The following DNAH8 variants were observed in gnomAD, a reference collection of about 807,000 sequenced individuals.
The protein encoded by DNAH8 is dynein axonemal heavy chain 8.
DNAH8 carries 382 observed loss-of-function variants against 562.1 expected under a neutral mutation model. The ratio of observed to expected loss-of-function variants is 0.68; its 90% CI spans 0.63 to 0.74. The LOEUF is 0.74. Ranked by LOEUF, DNAH8 falls within the 30% of genes least tolerant of loss-of-function variation. DNAH8 has a pLI of 0.00. For missense variants in DNAH8, 5,203 were observed against 5,620.4 expected (o/e 0.93, Z 2.37); for synonymous variants, 1,881 against 1,919.4 (o/e 0.98, Z 0.52).
intron 3 of DNAH8, among the ~76,000 whole-genome samples, chr6:38,725,393 C>A (rs778874997): frequency 6.6e-6 from 1 of 151,762 alleles, no homozygotes; most frequent in African/African-American, 2.4e-5. Context: ...AAATTGTCTG[C>A]GCTTCATGTC....
chr6:38,743,411 A>T (rs191862458), intron 8 of DNAH8, among the ~76,000 whole-genome samples: 139 of 152,048 alleles, frequency 9.1e-4, no homozygotes, highest in Admixed American at 8.3e-3. Context: ...CATACTATTT[A>T]TTTTATCCAT....
chr6:38,989,351 A>G (rs925682019), intron 87 of DNAH8, among the ~76,000 whole-genome samples: 2 of 152,194 alleles, frequency 1.3e-5, no homozygotes, highest in African/African-American at 4.8e-5. Context: ...TCTGAGAATA[A>G]GTCTATTCAC....
At chr6:38,969,859 A>G (rs1239207632) in intron 82 of DNAH8, among the ~76,000 whole-genome samples, 2 of 152,148 alleles carry the variant, frequency 1.3e-5, no homozygotes, top group African/African-American at 4.8e-5. Context: ...GAGGATGAAC[A>G]TAATCTGATT....
At chr6:38,981,696 T>C (rs921930746) in intron 85 of DNAH8, among the ~76,000 whole-genome samples, 18 of 152,360 alleles carry the variant, frequency 1.2e-4, no homozygotes, top group African/African-American at 4.1e-4. Context: ...CAAGAGTCCA[T>C]TGTAGAATAA....
chr6:38,797,253 G>A (rs1401470201), intron 21 of DNAH8, among the ~76,000 whole-genome samples: 1 of 152,056 alleles, frequency 6.6e-6, no homozygotes, highest in African/African-American at 2.4e-5. Context: ...AATTAGTCGG[G>A]GGGCGGTGGT....
At chr6:38,999,319 C>T (rs1483240611) in intron 88 of DNAH8, among the ~76,000 whole-genome samples, 2 of 151,852 alleles carry the variant, frequency 1.3e-5, no homozygotes, top group African/African-American at 4.8e-5. Context: ...GGGACCTAGC[C>T]CCTGGTGCTG....
intron 88 of DNAH8, among the ~76,000 whole-genome samples, chr6:39,008,038 T>G (rs1583557353): frequency 6.8e-6 from 1 of 146,708 alleles, no homozygotes; most frequent in East Asian, 2.0e-4. Context: ...CATCTCAGAG[T>G]GTCTGGTCGA....
chr6:39,008,856 C>A lies in DNAH8; in HGVS notation c.13257C>A (p.Thr4419=). The stretch of plus-strand genomic sequence containing the variant: ...CTTCTGCTGTTCTTGAAACAATTAC[C>A]AACATTCAACCCAAAGAGAGTGGAG... ...NTASAVLETI[T]NIQPKESGGG... The change falls in exon 89 of 93, where the codon ACC becomes ACA. Residue 4419 remains threonine (T), a synonymous_variant. Coordinates refer to ENST00000327475, the MANE Select transcript of DNAH8 (RefSeq NM_001206927.2). 1 of 1,607,690 alleles carries A rather than the reference C, an allele frequency of 6.2e-7. No homozygotes were observed. Among genetic ancestry groups the A allele is most frequent in the Non-Finnish European group, 8.5e-7 (1 of 1,174,458 alleles).
At chr6:38,736,651 C>T (rs944644312) in intron 5 of DNAH8, among the ~76,000 whole-genome samples, 1 of 151,704 alleles carries the variant, frequency 6.6e-6, no homozygotes, top group African/African-American at 2.4e-5. Flanking sequence ...GATTTCTGGG[C>T]TTTTGGTTTC....
At chr6:38,746,158 T>C (rs1764911949) in intron 8 of DNAH8, among the ~76,000 whole-genome samples, 1 of 152,226 alleles carries the variant, frequency 6.6e-6, no homozygotes, top group African/African-American at 2.4e-5. Context: ...GTCTCTTCTC[T>C]CACTGTAGTT....
At chr6:38,862,738 A>G (rs1483644472) in intron 44 of DNAH8, among the ~76,000 whole-genome samples, 1 of 152,188 alleles carries the variant, frequency 6.6e-6, no homozygotes, top group Non-Finnish European at 1.5e-5. Context: ...AGTAGAGAGG[A>G]TCAAAATAGC....
chr6:38,736,287 A>G (rs1764081058), intron 5 of DNAH8, among the ~76,000 whole-genome samples: 1 of 152,198 alleles, frequency 6.6e-6, no homozygotes, highest in Admixed American at 6.5e-5. Flanking sequence ...CATTAGAACT[A>G]AGTAAATGTA....
chr6:38,832,949 T>C, intron 31 of DNAH8, among the ~76,000 whole-genome samples: 1 of 152,098 alleles, frequency 6.6e-6, no homozygotes. Context: ...GAAAATGTAA[T>C]ATAGTTGTTG....
intron 37 of DNAH8, 39 bp from the exon 38 acceptor site, chr6:38,850,212 C>A (rs1470890586): frequency 8.8e-6 from 14 of 1,585,964 alleles, no homozygotes; most frequent in Non-Finnish European, 1.2e-5. Flanking sequence ...TTTCAATTAT[C>A]CAAATGCTAA....
intron 26 of DNAH8, among the ~76,000 whole-genome samples, chr6:38,817,468 A>T (rs1772389134): frequency 6.6e-6 from 1 of 152,166 alleles, no homozygotes; most frequent in Non-Finnish European, 1.5e-5. Flanking sequence ...CTGTGGTCTC[A>T]TGGGGTGTTC....
chr6:38,943,663 A>G (rs963162094), intron 79 of DNAH8, among the ~76,000 whole-genome samples: 4 of 152,176 alleles, frequency 2.6e-5, no homozygotes, highest in African/African-American at 9.7e-5. Context: ...TTAGAAAGAT[A>G]TTATCTTTCT....
At chr6:38,885,224 A>C (rs544798167) in intron 56 of DNAH8, among the ~76,000 whole-genome samples, 1 of 152,070 alleles carries the variant, frequency 6.6e-6, no homozygotes, top group South Asian at 2.1e-4. Flanking sequence ...GTTGGATCGC[A>C]AACTTAACAC....
At chr6:38,847,551 A>G (rs73424152) in intron 36 of DNAH8, among the ~76,000 whole-genome samples, 3,747 of 151,724 alleles carry the variant, frequency 0.025, 158 homozygotes, top group African/African-American at 0.085. Context: ...TTTATGTACA[A>G]CTCCATTTAT....
intron 41 of DNAH8, among the ~76,000 whole-genome samples, chr6:38,855,732 A>G (rs1776142874): frequency 6.6e-6 from 1 of 152,060 alleles, no homozygotes; most frequent in South Asian, 2.1e-4. Flanking sequence ...AGGGTCCCCA[A>G]CCACCCCCAC....
Sources: gnomAD v4.1 joint callset for allele counts (sites outside exome capture counted in the v4.1 genomes callset) on GRCh38, gnomAD v4.1.1 for gene constraint, MANE v1.5 for transcripts, NCBI Gene and HGNC (gene_info 2026-07-23, HGNC 2026-07-21) for gene names.